FAM174A: variants seen among roughly 807,000 people sequenced by gnomAD.
FAM174A encodes family with sequence similarity 174 member A.
FAM174A carries 14 observed loss-of-function variants against 14.3 expected under a neutral mutation model. The ratio of observed to expected loss-of-function variants is 0.98; its 90% CI spans 0.65 to 1.53. FAM174A has a LOEUF of 1.53. FAM174A is among the 40% of genes most tolerant of loss of function. The pLI, the probability that FAM174A is intolerant of heterozygous loss-of-function variation, is 0.00. For synonymous variants in FAM174A, 108 were observed against 111.4 expected, an observed-to-expected ratio of 0.97 and a Z score of 0.19; for missense variants, 241 against 249.6, an observed-to-expected ratio of 0.97 and a Z score of 0.23.
chr5:100,544,480 GAGAA>G (rs1015777421), intron 1 of FAM174A, among the ~76,000 whole-genome samples: 1 of 151,928 alleles, frequency 6.6e-6, no homozygotes, highest in African/African-American at 2.4e-5. Flanking sequence ...GGGAAAAGAG[GAGAA>G]AGAAAGATAA....
At chr5:100,554,895 AT>A (rs907640659) in intron 1 of FAM174A, among the ~76,000 whole-genome samples, 12 of 151,258 alleles carry the variant, frequency 7.9e-5, no homozygotes, top group South Asian at 2.1e-4. Flanking sequence ...ATACTATCTA[AT>A]TTTTTTTTAA....
rs147026274 is a variant in FAM174A at position 100,581,891 on chromosome 5, T to C, written c.570-4290T>C. Among the ~76,000 whole-genome samples the C allele has an allele frequency of 6.3e-3, 954 of 152,328 alleles. 6 individuals carry two copies. Among genetic ancestry groups the C allele is most frequent in the African/African-American group, 0.022 (903 of 41,566 alleles). ...TAATATGATTGCTAGATCATAATAGTTATGCTAATTTGCATATGTTTTGAG... is the reference window on the plus strand; with the variant it reads ...TAATATGATTGCTAGATCATAATAGCTATGCTAATTTGCATATGTTTTGAG... On this transcript the variant is annotated intron_variant, in intron 2 of 2. Transcript: ENST00000312637.
At position 100,535,972 on chromosome 5, in the gene FAM174A, A is replaced by C; in HGVS notation, c.434+8A>C. 6.4e-7 allele frequency: 1 copy of C among 1,558,926 alleles called. No individual in the cohort carries two copies. Among genetic ancestry groups the C allele is most frequent in the Non-Finnish European group, 8.7e-7 (1 of 1,147,194 alleles). On this transcript the variant is annotated splice_region_variant and intron_variant, in intron 1 of 2. Coordinates refer to ENST00000312637, the MANE Select transcript of FAM174A (RefSeq NM_198507.3). ...CGTGGTCAGGACGGTCAGGTGAGGCAAAGCCTCGGTGGGGCACCCCCGTGG... is the reference window on the plus strand; with the variant it reads ...CGTGGTCAGGACGGTCAGGTGAGGCCAAGCCTCGGTGGGGCACCCCCGTGG...
chr5:100,584,329 G>T (rs1351082656), intron 2 of FAM174A, among the ~76,000 whole-genome samples: 1 of 152,088 alleles, frequency 6.6e-6, no homozygotes, highest in South Asian at 2.1e-4. Context: ...GTATTAATAA[G>T]TGTCATTTGT....
At chr5:100,566,141 G>GATAGATATATAGATATATAT (rs558236562) in intron 2 of FAM174A, among the ~76,000 whole-genome samples, 35 of 81,798 alleles carry the variant, frequency 4.3e-4, no homozygotes, top group Non-Finnish European at 7.5e-4. Flanking sequence ...TGAAAAGTAT[G>GATAGATATATAGATATATAT]ATATATATAT....
intron 1 of FAM174A, among the ~76,000 whole-genome samples, chr5:100,544,948 A>G (rs1203938914): frequency 1.3e-5 from 2 of 152,216 alleles, no homozygotes; most frequent in East Asian, 3.8e-4. Flanking sequence ...ATCTACCAAT[A>G]CACTCTACCA....
rs189908153 is a variant in FAM174A, at chr5:100,552,024, C to A, written c.435-10030C>A. On this transcript the variant is annotated intron_variant, in intron 1 of 2. Coordinates refer to ENST00000312637, the MANE Select transcript of FAM174A (RefSeq NM_198507.3). Reference sequence around the variant, plus strand: ...AAGACGCAGTTCAACCTGTAACATGCAGACATATCCCTTATTAGTATCTGA... The same window carrying A: ...AAGACGCAGTTCAACCTGTAACATGAAGACATATCCCTTATTAGTATCTGA... 7.9e-5 allele frequency among the ~76,000 whole-genome samples: 12 copies of A among 152,218 alleles called. No homozygotes were observed. In the East Asian group the frequency reaches 2.3e-3, roughly 29 times the overall value.
At chr5:100,547,831 AAT>A (rs1474759425) in intron 1 of FAM174A, among the ~76,000 whole-genome samples, 6 of 151,386 alleles carry the variant, frequency 4.0e-5, no homozygotes, top group African/African-American at 1.5e-4. Flanking sequence ...AACACAAGGA[AAT>A]ATTTTTTTTT....
In FAM174A at chr5:100,586,468, T is replaced by C. The variant is rs1747128177; in HGVS notation, c.*284T>C. On this transcript the variant is annotated 3_prime_UTR_variant, in exon 3 of 3. Transcript: ENST00000312637. ...TAAAACGGTGTTTTCTGATCGGTTTTTGTTTCCTGCTTACCATATGATTGT... is the reference window on the plus strand; with the variant it reads ...TAAAACGGTGTTTTCTGATCGGTTTCTGTTTCCTGCTTACCATATGATTGT... 1 of 217,852 alleles carries C rather than the reference T, an allele frequency of 4.6e-6. No homozygotes were observed. Among genetic ancestry groups the C allele is most frequent in the Non-Finnish European group, 9.0e-6 (1 of 111,124 alleles). The allele number at this position is 217,852 out of a possible 1,614,324, so 13.5% of individuals were successfully genotyped here.
intron 2 of FAM174A, among the ~76,000 whole-genome samples, chr5:100,577,139 C>G (rs1392063510): frequency 6.6e-6 from 1 of 152,028 alleles, no homozygotes; most frequent in African/African-American, 2.4e-5. Context: ...GATTATTACA[C>G]ATTGTATGCT....
chr5:100,584,070 AAT>A (rs1189999013), intron 2 of FAM174A, among the ~76,000 whole-genome samples: 1 of 152,202 alleles, frequency 6.6e-6, no homozygotes, highest in African/African-American at 2.4e-5. Context: ...CCCTACTAGC[AAT>A]GTACTTCTGG....
intron 1 of FAM174A, among the ~76,000 whole-genome samples, chr5:100,542,633 G>A (rs964531732): frequency 1.3e-5 from 2 of 152,084 alleles, no homozygotes; most frequent in South Asian, 4.1e-4. Context: ...CATACTATGT[G>A]TGTGCTTATA....
chr5:100,552,882 A>C (rs959562417), intron 1 of FAM174A, among the ~76,000 whole-genome samples: 1 of 152,124 alleles, frequency 6.6e-6, no homozygotes, highest in Non-Finnish European at 1.5e-5. Context: ...AGTGAATATA[A>C]TTCTATATGA....
In FAM174A at chr5:100,581,338, T is replaced by G; in HGVS notation, c.570-4843T>G. On this transcript the variant is annotated intron_variant, in intron 2 of 2. Transcript: ENST00000312637. Reference sequence around the variant, plus strand: ...TTCTCATACCATATTGATTCTCCACTTTTTTCAGACTGCTGTGGAATTCCT... The same window carrying G: ...TTCTCATACCATATTGATTCTCCACGTTTTTCAGACTGCTGTGGAATTCCT... The G allele has an allele frequency of 7.1e-6, 7 of 982,362 alleles. No homozygotes were observed. In the South Asian group the frequency reaches 1.4e-4, roughly 20 times the overall value. 60.9% of individuals were successfully genotyped at this position (982,362 alleles called of 1,614,324 possible).
intron 2 of FAM174A, among the ~76,000 whole-genome samples, chr5:100,574,101 A>G (rs1401948528): frequency 2.6e-5 from 4 of 152,202 alleles, no homozygotes; most frequent in Admixed American, 6.5e-5. Context: ...AATGAACTGT[A>G]TATGTGAGCA....
Position 100,563,871 on chromosome 5 carries a change from C to T in FAM174A, c.569+1683C>T, listed in dbSNP as rs371910094. On this transcript the variant is annotated intron_variant, in intron 2 of 2. Coordinates refer to ENST00000312637, the MANE Select transcript of FAM174A (RefSeq NM_198507.3). ...AAATTATAAATATGTGGAAACTAAA[C>T]GATATAGTTTGAATAAACCTCCAGG... Among the ~76,000 whole-genome samples, 9 of 151,896 alleles carry T rather than the reference C, an allele frequency of 5.9e-5. No individual in the cohort carries two copies. In the East Asian group the frequency reaches 9.7e-4, roughly 16 times the overall value.
At chr5:100,571,630 T>C (rs896557104) in intron 2 of FAM174A, among the ~76,000 whole-genome samples, 1 of 147,200 alleles carries the variant, frequency 6.8e-6, no homozygotes, top group African/African-American at 2.5e-5. Flanking sequence ...TATAAATATA[T>C]ATGTACTTCA....
chr5:100,538,637 C>G (rs1195579350), intron 1 of FAM174A, among the ~76,000 whole-genome samples: 1 of 152,062 alleles, frequency 6.6e-6, no homozygotes, highest in Admixed American at 6.6e-5. Flanking sequence ...CCTATATCCT[C>G]AGTGCTAAAC....
Position 100,542,827 on chromosome 5 carries a change from A to G in FAM174A, c.434+6863A>G, listed in dbSNP as rs1318746254. On this transcript the variant is annotated intron_variant, in intron 1 of 2. Transcript: ENST00000312637. Reference sequence around the variant, plus strand: ...TGGGCAATATAGTGAGATCCTGCTTATTATATTTATATATATATATGTGTG... The same window carrying G: ...TGGGCAATATAGTGAGATCCTGCTTGTTATATTTATATATATATATGTGTG... Among the ~76,000 whole-genome samples, 3 of 150,740 alleles carry G rather than the reference A, an allele frequency of 2.0e-5. No individual in the cohort carries two copies. In the East Asian group the frequency reaches 5.8e-4, roughly 29 times the overall value.
Sources: allele counts gnomAD v4.1 joint callset (sites outside exome capture counted in the v4.1 genomes callset), GRCh38; gene constraint gnomAD v4.1.1; transcripts MANE v1.5; gene names NCBI Gene and HGNC (gene_info 2026-07-23, HGNC 2026-07-21).